Variants in DCDC2C observed in about 807,000 individuals in gnomAD.
DCDC2C encodes the protein doublecortin domain containing 2C.
A neutral mutation model predicts 45.0 loss-of-function variants in DCDC2C; 44 were observed. The ratio of observed to expected loss-of-function variants is 0.98; its 90% CI spans 0.77 to 1.26. DCDC2C has a LOEUF of 1.26. Among genes scored for constraint, DCDC2C ranks in the 50% most tolerant of loss-of-function variants. The pLI is 0.00. For missense variants in DCDC2C, 447 were observed against 468.9 expected (o/e 0.95, Z 0.43); for synonymous variants, 187 against 178.8 (o/e 1.05, Z -0.37).
At chr2:3,811,022 C>T (rs1191586248) in intron 10 of DCDC2C, among the ~76,000 whole-genome samples, 2 of 152,130 alleles carry the variant, frequency 1.3e-5, no homozygotes, top group Non-Finnish European at 2.9e-5. Flanking sequence ...GTGATGCCTC[C>T]AGCTTTGTTC....
At position 3,727,057 on chromosome 2, in the gene DCDC2C, C is replaced by T; in HGVS notation, c.394C>T (p.His132Tyr). 1 of 1,550,238 alleles carries T rather than the reference C, an allele frequency of 6.5e-7. No homozygotes were observed. The highest frequency in any genetic ancestry group is 8.7e-7 in the Non-Finnish European group (1 of 1,146,754). ...INVPSKWQTY[H>Y]RISRHINVFT... Reference sequence around the variant, plus strand: ...TGTGCCTTCCAAGTGGCAAACATATCATCGTATATCTCGACATATAAAGTG... The same window carrying T: ...TGTGCCTTCCAAGTGGCAAACATATTATCGTATATCTCGACATATAAAGTG... Residue 132 changes from histidine (H) to tyrosine (Y), a missense_variant, in exon 3 of 11, where the codon CAT (histidine) becomes TAT (tyrosine). Transcript: ENST00000399143.
chr2:3,784,172 A>T (rs1670586244), intron 9 of DCDC2C, among the ~76,000 whole-genome samples: 1 of 152,190 alleles, frequency 6.6e-6, no homozygotes, highest in African/African-American at 2.4e-5. Context: ...ATAAATCCAG[A>T]TTAGGGATTT....
intron 6 of DCDC2C, among the ~76,000 whole-genome samples, chr2:3,756,280 A>G (rs1165252014): frequency 6.6e-6 from 1 of 152,070 alleles, no homozygotes; most frequent in Non-Finnish European, 1.5e-5. Flanking sequence ...TAGTGGTTCT[A>G]TTGACATTAA....
chr2:3,829,062 A>G (rs1671892580), intron 10 of DCDC2C, among the ~76,000 whole-genome samples: 1 of 152,162 alleles, frequency 6.6e-6, no homozygotes, highest in African/African-American at 2.4e-5. Context: ...TTTGCTTCGA[A>G]GTGTTCACAC....
At chr2:3,759,790 C>T (rs140560704) in intron 6 of DCDC2C, among the ~76,000 whole-genome samples, 4 of 152,264 alleles carry the variant, frequency 2.6e-5, no homozygotes, top group Non-Finnish European at 4.4e-5. Flanking sequence ...CATCTGCTTC[C>T]GTGTTTGTCT....
intron 6 of DCDC2C, among the ~76,000 whole-genome samples, chr2:3,763,524 G>A (rs139118848): frequency 6.6e-6 from 1 of 152,186 alleles, no homozygotes; most frequent in African/African-American, 2.4e-5. Context: ...TCAGCTCTGT[G>A]TCACCAATGC....
chr2:3,725,319 G>A (rs111306198), intron 2 of DCDC2C, among the ~76,000 whole-genome samples: 6,471 of 151,906 alleles, frequency 0.043, 181 homozygotes, highest in Middle Eastern at 0.069. Context: ...AGAGACCCTC[G>A]TTGTGCAGCA....
intron 10 of DCDC2C, among the ~76,000 whole-genome samples, chr2:3,825,908 C>T (rs1671805236): frequency 6.6e-6 from 1 of 152,162 alleles, no homozygotes; most frequent in Non-Finnish European, 1.5e-5. Context: ...CCTCAGGATC[C>T]AGCAGTAGCT....
chr2:3,733,035 G>A (rs1269480836), intron 3 of DCDC2C, among the ~76,000 whole-genome samples: 1 of 152,222 alleles, frequency 6.6e-6, no homozygotes, highest in African/African-American at 2.4e-5. Context: ...TACCCCAAGT[G>A]GGATAGATTA....
At chr2:3,778,597 G>C (rs1021130600) in intron 8 of DCDC2C, among the ~76,000 whole-genome samples, 1 of 152,106 alleles carries the variant, frequency 6.6e-6, no homozygotes, top group Non-Finnish European at 1.5e-5. Flanking sequence ...AGAAGAAAGA[G>C]GTTTCTCCAG....
At chr2:3,746,246 C>A (rs1032562054) in intron 4 of DCDC2C, among the ~76,000 whole-genome samples, 22 of 152,260 alleles carry the variant, frequency 1.4e-4, no homozygotes, top group Non-Finnish European at 2.5e-4. Context: ...ACTAAGAGAC[C>A]TTCCAGAAGA....
intron 1 of DCDC2C, among the ~76,000 whole-genome samples, chr2:3,704,990 G>C (rs180728970): frequency 1.3e-5 from 2 of 152,200 alleles, no homozygotes; most frequent in Admixed American, 1.3e-4. Context: ...TTTTGACTGT[G>C]AACTACTCCT....
At chr2:3,815,606 T>G (rs1671536310) in intron 10 of DCDC2C, among the ~76,000 whole-genome samples, 2 of 152,212 alleles carry the variant, frequency 1.3e-5, no homozygotes, top group African/African-American at 4.8e-5. Context: ...GCAACAAGGC[T>G]GTTTATTTCA....
intron 8 of DCDC2C, among the ~76,000 whole-genome samples, chr2:3,776,920 T>A (rs569055907): frequency 1.3e-5 from 2 of 152,176 alleles, no homozygotes; most frequent in Admixed American, 1.3e-4. Context: ...TTCCTGAGAG[T>A]GACCTCTTCA....
rs111757559 is a variant in DCDC2C at position 3,802,734 on chromosome 2, G to A, written c.1065+17634G>A. The stretch of plus-strand genomic sequence containing the variant: ...CCTAATATCATCACTTGAGGGGTTA[G>A]GATTTCAACACATAAATTTTGGGAG... On this transcript the variant is annotated intron_variant, in intron 10 of 10. Coordinates refer to ENST00000399143, the MANE Select transcript of DCDC2C (RefSeq NM_001287444.2). 9.9e-3 allele frequency among the ~76,000 whole-genome samples: 1,509 copies of A among 152,212 alleles called. 19 individuals carry two copies. Among genetic ancestry groups the A allele is most frequent in the African/African-American group, 0.035 (1,438 of 41,520 alleles).
rs1280979068 is a variant in DCDC2C, at chr2:3,825,779, C to T, written c.1066-21375C>T. Among the ~76,000 whole-genome samples the T allele has an allele frequency of 5.9e-5, 9 of 152,160 alleles. 1 individual carries two copies. The highest frequency in any genetic ancestry group is 5.2e-4 in the Admixed American group (8 of 15,280). On this transcript the variant is annotated intron_variant, in intron 10 of 10. Transcript: ENST00000399143. ...TTCCAGGGCAGAATGAAGCTGATCA[C>T]TGCTGTAGCCAGGAGAGGTGGGTGG... is the stretch of plus-strand genomic sequence containing the variant.
intron 3 of DCDC2C, among the ~76,000 whole-genome samples, chr2:3,738,036 GAT>G (rs1425006197): frequency 6.6e-6 from 1 of 151,796 alleles, no homozygotes; most frequent in Non-Finnish European, 1.5e-5. Context: ...ATTTTTAAGA[GAT>G]ATACATTTAA....
intron 10 of DCDC2C, among the ~76,000 whole-genome samples, chr2:3,838,607 A>C (rs191725836): frequency 2.9e-4 from 44 of 152,232 alleles, no homozygotes; most frequent in Admixed American, 2.1e-3. Flanking sequence ...AAGAGGCTGA[A>C]GGGTTTTAGG....
rs1212652351 is a variant in DCDC2C at position 3,723,438 on chromosome 2, C to T, written c.340-3565C>T. On this transcript the variant is annotated intron_variant, in intron 2 of 10. Coordinates refer to ENST00000399143, the MANE Select transcript of DCDC2C (RefSeq NM_001287444.2). ...CAAAGATCCGTGAGTATGTTCCAGGCTCAGGTCCTGTGTAGGAATGGGCTG... is the reference window on the plus strand; with the variant it reads ...CAAAGATCCGTGAGTATGTTCCAGGTTCAGGTCCTGTGTAGGAATGGGCTG... Among the ~76,000 whole-genome samples, 4 of 152,166 alleles carry T rather than the reference C, an allele frequency of 2.6e-5. No individual in the cohort carries two copies. In the East Asian group the frequency reaches 7.7e-4, roughly 29 times the overall value.
Sources: gnomAD v4.1 joint callset for allele counts (sites outside exome capture counted in the v4.1 genomes callset) on GRCh38, gnomAD v4.1.1 for gene constraint, MANE v1.5 for transcripts, NCBI Gene and HGNC (gene_info 2026-07-23, HGNC 2026-07-21) for gene names.